ADAD1: variants seen among roughly 807,000 people sequenced by gnomAD.
ADAD1 encodes the protein adenosine deaminase domain-containing protein 1.
Under a neutral mutation model 66.8 loss-of-function variants are expected in ADAD1, and 46 were observed. The ratio of observed to expected loss-of-function variants is 0.69; its 90% confidence interval spans 0.54 to 0.88. The LOEUF (loss-of-function observed/expected upper bound fraction) is 0.88. Among genes scored for constraint, ADAD1 ranks in the 40% least tolerant of loss-of-function variants. The probability of loss-of-function intolerance (pLI) is 0.00; values close to 1 mark genes in which losing one functional copy is unlikely to be tolerated. For synonymous variants in ADAD1, 248 were observed against 229.4 expected (o/e 1.08, Z -0.73); for missense variants, 617 against 681.8 (o/e 0.91, Z 1.06).
At chr4:122,426,301 G>A (rs1367488820) in intron 12 of ADAD1, among the ~76,000 whole-genome samples, 1 of 152,046 alleles carries the variant, frequency 6.6e-6, no homozygotes, top group Non-Finnish European at 1.5e-5. Flanking sequence ...CTTAACAATA[G>A]AATATCCAAA....
intron 6 of ADAD1, among the ~76,000 whole-genome samples, chr4:122,395,304 G>A (rs1267042000): frequency 1.3e-5 from 2 of 151,910 alleles, no homozygotes; most frequent in Non-Finnish European, 2.9e-5. Context: ...ACCTCCCTCA[G>A]CCTCCCAAAG....
chr4:122,389,357 T>C (rs1795329741), intron 5 of ADAD1, among the ~76,000 whole-genome samples: 1 of 152,198 alleles, frequency 6.6e-6, no homozygotes, highest in Non-Finnish European at 1.5e-5. Flanking sequence ...TGGAGAATTC[T>C]GTAGATGTCT....
chr4:122,388,234 A>G (rs1795268539), intron 5 of ADAD1, among the ~76,000 whole-genome samples: 1 of 152,190 alleles, frequency 6.6e-6, no homozygotes, highest in Admixed American at 6.5e-5. Context: ...ATTGTGGTGA[A>G]TAAGTTTTTT....
chr4:122,410,192 A>C (rs1796406549), intron 8 of ADAD1, among the ~76,000 whole-genome samples: 1 of 152,194 alleles, frequency 6.6e-6, no homozygotes, highest in Admixed American at 6.5e-5. Context: ...GGAATCCTAT[A>C]ATCTTAAACA....
At chr4:122,385,986 A>C (rs1795154691) in intron 5 of ADAD1, among the ~76,000 whole-genome samples, 1 of 152,134 alleles carries the variant, frequency 6.6e-6, no homozygotes, top group Admixed American at 6.5e-5. Flanking sequence ...TATTGTAAAT[A>C]GTGCTGCAGT....
chr4:122,394,378 C>A lies in ADAD1; in HGVS notation c.598+721C>A, dbSNP rs72669121. Among the ~76,000 whole-genome samples the A allele has an allele frequency of 5.0e-3, 759 of 152,246 alleles. 14 individuals carry two copies. Among genetic ancestry groups the A allele is most frequent in the Non-Finnish European group, 4.1e-3 (282 of 68,004 alleles). Reference sequence around the variant, plus strand: ...ATTTTTACTTTTACTACCAAGTGGGCACACTTCAGACTTTAAAGTTTAGAG... The same window carrying A: ...ATTTTTACTTTTACTACCAAGTGGGAACACTTCAGACTTTAAAGTTTAGAG... On this transcript the variant is annotated intron_variant, in intron 6 of 12. Transcript: ENST00000296513.
In ADAD1 at chr4:122,383,079, C is replaced by T. The variant is rs376037798; in HGVS notation, c.362-720C>T. ...CAAGCAAAACCTCAAACAGAAGAAT[C>T]TTTGACCTGTAAATACGGGAGACAA... On this transcript the variant is annotated intron_variant, in intron 4 of 12. Transcript: ENST00000296513. Among the ~76,000 whole-genome samples the T allele has an allele frequency of 5.3e-5, 8 of 152,246 alleles. No homozygotes were observed. The East Asian group carries it at 1.5e-3, about 29-fold the overall frequency.
intron 5 of ADAD1, 96 bp from the exon 6 acceptor site, chr4:122,393,493 A>G (rs1165180344): frequency 2.6e-6 from 3 of 1,172,600 alleles, no homozygotes; most frequent in African/African-American, 3.1e-5. Context: ...GGAAAAAAAA[A>G]TTTTTGGATT....
At chr4:122,393,543 G>A in intron 5 of ADAD1, 46 bp from the exon 6 acceptor site, 2 of 1,487,572 alleles carry the variant, frequency 1.3e-6, no homozygotes, top group Non-Finnish European at 1.8e-6. Context: ...CAGCTCTTTG[G>A]AATGTTGAAG....
At chr4:122,411,972 G>T (rs1202887528) in intron 9 of ADAD1, among the ~76,000 whole-genome samples, 6 of 152,048 alleles carry the variant, frequency 3.9e-5, no homozygotes, top group Non-Finnish European at 8.8e-5. Flanking sequence ...TTTAACCTAT[G>T]GCCAAAATAT....
intron 5 of ADAD1, among the ~76,000 whole-genome samples, chr4:122,384,543 G>A (rs935132452): frequency 3.3e-5 from 5 of 152,120 alleles, no homozygotes; most frequent in Admixed American, 1.3e-4. Context: ...AACAATGCAT[G>A]CAAAGTCCTT....
intron 3 of ADAD1, chr4:122,380,609 A>T (rs1794846633): frequency 1.0e-5 from 3 of 295,632 alleles, no homozygotes; most frequent in Non-Finnish European, 1.8e-5. Flanking sequence ...GGTGGAATCC[A>T]GTGAGAAAAT....
In ADAD1 at chr4:122,415,533, A is replaced by G; in HGVS notation, c.1404A>G (p.Glu468=). ...CATATCCCCTTCAAATGAACTTGGAATATAAATTTCTGAGTCTGAATTGGG... is the reference window on the plus strand; with the variant it reads ...CATATCCCCTTCAAATGAACTTGGAGTATAAATTTCTGAGTCTGAATTGGG... ...PSAYPLQMNL[E]YKFLSLNWAQ... is the part of the protein sequence containing the mutation. The change falls in exon 11 of 13, where the codon GAA becomes GAG. Residue 468 remains glutamate, a synonymous_variant. Coordinates refer to ENST00000296513, the MANE Select transcript of ADAD1 (RefSeq NM_139243.4). 1 of 1,613,946 alleles carries G rather than the reference A, an allele frequency of 6.2e-7. No individual in the cohort carries two copies. The highest frequency in any genetic ancestry group is 8.5e-7 in the Non-Finnish European group (1 of 1,179,850).
chr4:122,421,017 A>G (rs1796977736), intron 11 of ADAD1, among the ~76,000 whole-genome samples: 1 of 152,188 alleles, frequency 6.6e-6, no homozygotes, highest in African/African-American at 2.4e-5. Context: ...ATACAATAGA[A>G]ATGTTCCAAG....
intron 10 of ADAD1, among the ~76,000 whole-genome samples, chr4:122,414,535 T>C (rs1018162437): frequency 1.3e-5 from 2 of 152,044 alleles, no homozygotes; most frequent in Admixed American, 1.3e-4. Context: ...CCAAAAGCAG[T>C]ACATGTCCTT....
chr4:122,417,644 A>C (rs1796801251), intron 11 of ADAD1, among the ~76,000 whole-genome samples: 1 of 152,218 alleles, frequency 6.6e-6, no homozygotes, highest in South Asian at 2.1e-4. Context: ...AGCCGTTTTA[A>C]ATAACAGTAA....
At chr4:122,403,174 A>G (rs1796054253) in intron 7 of ADAD1, among the ~76,000 whole-genome samples, 1 of 152,020 alleles carries the variant, frequency 6.6e-6, no homozygotes, top group Admixed American at 6.6e-5. Flanking sequence ...TTTTTTTTCC[A>G]TGGGGTGAGC....
intron 7 of ADAD1, among the ~76,000 whole-genome samples, chr4:122,399,740 C>CTTTTTTTTTTTTTT (rs145100591): frequency 5.4e-5 from 6 of 110,526 alleles, no homozygotes; most frequent in African/African-American, 1.0e-4. Flanking sequence ...ATTTTCTTTT[C>CTTTTTTTTTTTTTT]TTTTTTTTTT....
At chr4:122,426,978 A>C (rs1489880480) in intron 12 of ADAD1, among the ~76,000 whole-genome samples, 1 of 152,192 alleles carries the variant, frequency 6.6e-6, no homozygotes, top group Non-Finnish European at 1.5e-5. Context: ...ACTGTTCTCT[A>C]GGTCCTAGCC....
Sources: allele counts gnomAD v4.1 joint callset (sites outside exome capture counted in the v4.1 genomes callset), GRCh38; gene constraint gnomAD v4.1.1; transcripts MANE v1.5; gene names NCBI Gene and HGNC (gene_info 2026-07-23, HGNC 2026-07-21).